MSH3: variants seen among roughly 807,000 people sequenced by gnomAD.
The protein encoded by MSH3 is mutS homolog 3.
MSH3 carries 106 observed loss-of-function variants against 123.3 expected under a neutral mutation model. That is an observed-to-expected ratio of 0.86 (90% CI 0.73 to 1.01). MSH3 has a LOEUF of 1.01. Among genes scored for constraint, MSH3 ranks in the 50% least tolerant of loss-of-function variants. The probability of loss-of-function intolerance (pLI) is 0.00; values close to 1 mark genes in which losing one functional copy is unlikely to be tolerated. For synonymous variants in MSH3, 515 were observed against 481.4 expected (o/e 1.07, Z -0.91); for missense variants, 1,459 against 1,347.6 (o/e 1.08, Z -1.29).
At chr5:80,850,087 G>T (rs919151421) in intron 20 of MSH3, among the ~76,000 whole-genome samples, 1 of 152,076 alleles carries the variant, frequency 6.6e-6, no homozygotes, top group Non-Finnish European at 1.5e-5. Context: ...TCTAGGGTGG[G>T]GCAAAATGCT....
chr5:80,747,804 T>G (rs1026369859), intron 12 of MSH3, among the ~76,000 whole-genome samples: 3 of 152,220 alleles, frequency 2.0e-5, no homozygotes, highest in African/African-American at 7.2e-5. Context: ...TGTCTGGGTT[T>G]TAGCGTAGGA....
intron 8 of MSH3, among the ~76,000 whole-genome samples, chr5:80,715,653 G>T (rs530764609): frequency 6.6e-6 from 1 of 152,210 alleles, no homozygotes; most frequent in East Asian, 1.9e-4. Context: ...TGCACAGGAA[G>T]CATGGCTGGG....
chr5:80,728,429 T>G (rs1388899701), intron 9 of MSH3, among the ~76,000 whole-genome samples: 1 of 152,206 alleles, frequency 6.6e-6, no homozygotes, highest in African/African-American at 2.4e-5. Context: ...TTACCCAACT[T>G]TATTTAAGTA....
intron 3 of MSH3, 144 bp from the exon 4 acceptor site, chr5:80,669,953 G>T: frequency 2.8e-6 from 2 of 722,100 alleles, no homozygotes; most frequent in Non-Finnish European, 4.7e-6. Context: ...TGGATAGTTT[G>T]CCGGAATGCT....
At chr5:80,753,931 G>A (rs1417657774) in intron 12 of MSH3, among the ~76,000 whole-genome samples, 1 of 152,172 alleles carries the variant, frequency 6.6e-6, no homozygotes, top group Admixed American at 6.5e-5. Flanking sequence ...CTGATTATAA[G>A]CAGAATGCAT....
intron 8 of MSH3, among the ~76,000 whole-genome samples, chr5:80,699,872 C>G (rs1010163646): frequency 6.6e-6 from 1 of 152,198 alleles, no homozygotes; most frequent in Non-Finnish European, 1.5e-5. Context: ...TTGATGATAA[C>G]TAGGCACTAG....
At chr5:80,766,453 C>G (rs1026396474) in intron 13 of MSH3, among the ~76,000 whole-genome samples, 2 of 144,532 alleles carry the variant, frequency 1.4e-5, no homozygotes, top group Non-Finnish European at 3.0e-5. Context: ...TCAAGCGATT[C>G]TCCTGCCTCG....
chr5:80,725,214 CAAA>C (rs33919693), intron 8 of MSH3, among the ~76,000 whole-genome samples: 22 of 99,006 alleles, frequency 2.2e-4, no homozygotes, highest in South Asian at 3.3e-4. Context: ...GACTCCATCT[CAAA>C]AAAAAAAAAA....
chr5:80,701,420 C>T (rs1454279878), intron 8 of MSH3, among the ~76,000 whole-genome samples: 1 of 152,170 alleles, frequency 6.6e-6, no homozygotes, highest in Non-Finnish European at 1.5e-5. Context: ...TGGCAAAGCC[C>T]ACTAGAGCCC....
At chr5:80,699,150 A>G (rs1380716061) in intron 8 of MSH3, among the ~76,000 whole-genome samples, 1 of 152,216 alleles carries the variant, frequency 6.6e-6, no homozygotes, top group African/African-American at 2.4e-5. Flanking sequence ...ATAGGTGCTT[A>G]ATAAATGCTT....
At chr5:80,666,125 T>C (rs950322842) in intron 3 of MSH3, among the ~76,000 whole-genome samples, 2 of 152,194 alleles carry the variant, frequency 1.3e-5, no homozygotes, top group South Asian at 2.1e-4. Context: ...AGTTGTGCGA[T>C]TATAGTTCAC....
At chr5:80,786,065 C>T (rs1025850692) in intron 17 of MSH3, among the ~76,000 whole-genome samples, 1 of 151,876 alleles carries the variant, frequency 6.6e-6, no homozygotes, top group Admixed American at 6.6e-5. Flanking sequence ...GTGGGTGCAG[C>T]ACACCAGCAT....
chr5:80,816,678 T>G (rs1745107165), intron 20 of MSH3, among the ~76,000 whole-genome samples: 1 of 152,072 alleles, frequency 6.6e-6, no homozygotes, highest in African/African-American at 2.4e-5. Flanking sequence ...GTAAGTAGCT[T>G]GGATTAAGTT....
At chr5:80,819,438 A>ATGTG (rs1163720178) in intron 20 of MSH3, among the ~76,000 whole-genome samples, 1 of 80,758 alleles carries the variant, frequency 1.2e-5, no homozygotes, top group Admixed American at 1.5e-4. Context: ...GTGTGTATAT[A>ATGTG]TATGTATATG....
chr5:80,813,526 G>A, intron 19 of MSH3, 58 bp from the exon 20 acceptor site: 1 of 1,538,470 alleles, frequency 6.5e-7, no homozygotes, highest in Non-Finnish European at 9.0e-7. Flanking sequence ...GAGATAAATT[G>A]TGGATATTAT....
chr5:80,871,249 A>C (rs1746208675), intron 22 of MSH3, among the ~76,000 whole-genome samples: 1 of 152,040 alleles, frequency 6.6e-6, no homozygotes, highest in African/African-American at 2.4e-5. Flanking sequence ...AGGGGGATAG[A>C]CCTCTATACC....
intron 20 of MSH3, among the ~76,000 whole-genome samples, chr5:80,840,354 A>G (rs1354629040): frequency 6.6e-6 from 1 of 152,118 alleles, no homozygotes; most frequent in Admixed American, 6.6e-5. Flanking sequence ...CTTCATTTCT[A>G]TCCAGCTTTT....
intron 18 of MSH3, 48 bp from the exon 19 acceptor site, chr5:80,792,685 A>T (rs2112026518): frequency 3.5e-6 from 4 of 1,127,406 alleles, no homozygotes; most frequent in African/African-American, 1.6e-5. Flanking sequence ...TTTTTTTTTT[A>T]AGGCTATTTC....
At chr5:80,759,566 A>G (rs891545187) in intron 12 of MSH3, among the ~76,000 whole-genome samples, 1 of 152,214 alleles carries the variant, frequency 6.6e-6, no homozygotes, top group African/African-American at 2.4e-5. Flanking sequence ...CTAAACAGGC[A>G]TCAGTTGTTT....
Sources: gnomAD v4.1 joint callset for allele counts (sites outside exome capture counted in the v4.1 genomes callset) on GRCh38, gnomAD v4.1.1 for gene constraint, MANE v1.5 for transcripts, NCBI Gene and HGNC (gene_info 2026-07-23, HGNC 2026-07-21) for gene names.